The following C8A variants were observed in gnomAD, a reference collection of about 807,000 sequenced individuals.
C8A encodes complement C8 alpha chain, also known as complement component C8 alpha chain.
In C8A, 67 loss-of-function variants were observed where a neutral mutation model predicts 65.3. The ratio of observed to expected loss-of-function variants is 1.03; its 90% CI spans 0.84 to 1.26. The LOEUF is 1.26. Among genes scored for constraint, C8A ranks in the 50% most tolerant of loss-of-function variants. The pLI is 0.00. For synonymous variants in C8A, 290 were observed against 259.4 expected (o/e 1.12, Z -1.13); for missense variants, 781 against 723.9 (o/e 1.08, Z -0.90).
chr1:56,891,272 T>C (rs1392092023), intron 7 of C8A, among the ~76,000 whole-genome samples: 3 of 151,954 alleles, frequency 2.0e-5, no homozygotes, highest in African/African-American at 7.2e-5. Context: ...GGAAAGAGCA[T>C]GGTGTGTTTG....
chr1:56,907,624 G>A lies in C8A; in HGVS notation c.1223-332G>A, dbSNP rs143392943. Among the ~76,000 whole-genome samples the A allele has an allele frequency of 7.6e-4, 116 of 152,112 alleles. 2 individuals carry two copies. In the East Asian group the frequency reaches 0.019, roughly 25 times the overall value. On this transcript the variant is annotated intron_variant, in intron 8 of 10. Transcript: ENST00000361249. The stretch of plus-strand genomic sequence containing the variant: ...CTATAATATTTGATTGAACCTATTC[G>A]GCATATAGCAGGCACTGAGTAAATA...
intron 7 of C8A, among the ~76,000 whole-genome samples, chr1:56,889,204 A>G (rs1307631171): frequency 1.3e-5 from 2 of 152,198 alleles, no homozygotes; most frequent in African/African-American, 4.8e-5. Flanking sequence ...TTTTCTATAA[A>G]TCCGGAAAGT....
At chr1:56,900,626 G>T (rs997535662) in intron 7 of C8A, among the ~76,000 whole-genome samples, 1 of 109,038 alleles carries the variant, frequency 9.2e-6, no homozygotes, top group Admixed American at 8.9e-5. Context: ...GCAGCTGAAA[G>T]TGCTTTATAA....
chr1:56,867,447 C>G (rs1443062398), intron 1 of C8A, among the ~76,000 whole-genome samples, 162 bp from the exon 2 acceptor site: 4 of 152,196 alleles, frequency 2.6e-5, no homozygotes, highest in Admixed American at 6.5e-5. Context: ...ACCATACACT[C>G]TCTCATTTCT....
chr1:56,875,660 G>A (rs1010543969), intron 3 of C8A, among the ~76,000 whole-genome samples: 3 of 152,122 alleles, frequency 2.0e-5, no homozygotes, highest in Non-Finnish European at 4.4e-5. Context: ...CTCCCAATCA[G>A]CCCAGAATGT....
At chr1:56,891,883 T>A (rs1420140167) in intron 7 of C8A, among the ~76,000 whole-genome samples, 3 of 152,122 alleles carry the variant, frequency 2.0e-5, no homozygotes, top group Non-Finnish European at 4.4e-5. Flanking sequence ...AAGTGCATAT[T>A]ATAATAATTG....
rs772124654 is a variant in C8A, at chr1:56,854,992, A to G, written c.77+14A>G. 8.7e-6 allele frequency: 14 copies of G among 1,605,454 alleles called. No individual in the cohort carries two copies. The highest frequency in any genetic ancestry group is 1.1e-5 in the Non-Finnish European group (13 of 1,172,592). On this transcript the variant is annotated intron_variant, in intron 1 of 10. Transcript: ENST00000361249. ...GAAGGTGAACCAGTAAGTGGGCCAT[A>G]TGTCTCTGCAAAACTTGCACGTAGG...
At chr1:56,888,614 A>G (rs923251380) in intron 7 of C8A, among the ~76,000 whole-genome samples, 4 of 152,212 alleles carry the variant, frequency 2.6e-5, no homozygotes, top group Non-Finnish European at 5.9e-5. Context: ...AAATAAAAAC[A>G]TGCATATTTG....
intron 7 of C8A, among the ~76,000 whole-genome samples, chr1:56,891,423 A>G (rs539562918): frequency 6.6e-6 from 1 of 152,264 alleles, no homozygotes; most frequent in East Asian, 1.9e-4. Flanking sequence ...GGTGGCAGAG[A>G]AACCACTGCA....
intron 2 of C8A, among the ~76,000 whole-genome samples, chr1:56,869,820 T>C (rs1446773703): frequency 2.0e-5 from 3 of 152,208 alleles, no homozygotes; most frequent in Non-Finnish European, 4.4e-5. Flanking sequence ...CTTGAATTAA[T>C]CCCTGCTTTT....
chr1:56,869,872 G>C (rs567665856), intron 2 of C8A, among the ~76,000 whole-genome samples: 1 of 152,226 alleles, frequency 6.6e-6, no homozygotes, highest in African/African-American at 2.4e-5. Flanking sequence ...TGGTCATCCT[G>C]CCTCCAGACC....
chr1:56,912,228 T>C (rs1644513315), intron 9 of C8A, among the ~76,000 whole-genome samples, 175 bp from the exon 10 acceptor site: 1 of 152,036 alleles, frequency 6.6e-6, no homozygotes, highest in Non-Finnish European at 1.5e-5. Flanking sequence ...AGCTGAGGAG[T>C]TTAATACCTA....
At chr1:56,859,003 A>G (rs902985185) in intron 1 of C8A, among the ~76,000 whole-genome samples, 4 of 152,210 alleles carry the variant, frequency 2.6e-5, no homozygotes, top group African/African-American at 9.6e-5. Flanking sequence ...AGTACTTATA[A>G]CAGAACCTGG....
Position 56,906,765 on chromosome 1 carries a change from T to C in C8A, c.1195T>C (p.Cys399Arg), listed in dbSNP as rs749384659. 6.2e-7 allele frequency: 1 copy of C among 1,614,042 alleles called. No individual in the cohort carries two copies. Among genetic ancestry groups the C allele is most frequent in the Admixed American group, 1.7e-5 (1 of 60,010 alleles). Reference protein sequence around the residue: ...NVGGGLSGDHCKKFGGGKTER... With the variant: ...NVGGGLSGDHRKKFGGGKTER... ...TGGTGGAGGTTTATCAGGAGACCATTGTAAAAAATTTGGAGGTGGCAAAAC... is the reference window on the plus strand; with the variant it reads ...TGGTGGAGGTTTATCAGGAGACCATCGTAAAAAATTTGGAGGTGGCAAAAC... The change falls in exon 8 of 11, where the codon TGT (cysteine) becomes CGT (arginine). Residue 399 changes from cysteine to arginine, a missense_variant. Cys to Arg is a radical substitution (Grantham distance 180). Coordinates refer to ENST00000361249, the MANE Select transcript of C8A (RefSeq NM_000562.3).
intron 7 of C8A, among the ~76,000 whole-genome samples, chr1:56,887,640 T>C (rs1184994775): frequency 1.3e-5 from 2 of 152,128 alleles, no homozygotes; most frequent in Non-Finnish European, 2.9e-5. Context: ...TTTTCTCCCA[T>C]CCAAAGGATT....
intron 1 of C8A, among the ~76,000 whole-genome samples, chr1:56,857,988 A>G (rs964145224): frequency 6.6e-6 from 1 of 151,946 alleles, no homozygotes; most frequent in African/African-American, 2.4e-5. Flanking sequence ...ATATTTATTA[A>G]TTTTTTGTTC....
intron 7 of C8A, among the ~76,000 whole-genome samples, chr1:56,896,618 A>C (rs1644389174): frequency 6.6e-6 from 1 of 152,188 alleles, no homozygotes; most frequent in African/African-American, 2.4e-5. Flanking sequence ...TAGCACTTTA[A>C]ATGTTTATCT....
chr1:56,911,065 G>GTTTTT (rs11325191), intron 9 of C8A, among the ~76,000 whole-genome samples: 88 of 141,876 alleles, frequency 6.2e-4, no homozygotes, highest in Admixed American at 2.0e-3. Context: ...AAAAACATGG[G>GTTTTT]TTTTTTTTTT....
At chr1:56,905,046 T>G (rs928073722) in intron 7 of C8A, among the ~76,000 whole-genome samples, 1 of 151,990 alleles carries the variant, frequency 6.6e-6, no homozygotes, top group African/African-American at 2.4e-5. Flanking sequence ...TGTTTATCAC[T>G]GTTGAAGCAT....
Sources: allele counts gnomAD v4.1 joint callset (sites outside exome capture counted in the v4.1 genomes callset), GRCh38; gene constraint gnomAD v4.1.1; transcripts MANE v1.5; gene names NCBI Gene and HGNC (gene_info 2026-07-23, HGNC 2026-07-21).